The following C17orf99 variants were observed in gnomAD, a reference collection of about 807,000 sequenced individuals.
C17orf99 encodes chromosome 17 open reading frame 99.
In C17orf99, 18 loss-of-function variants were observed where a neutral mutation model predicts 22.6. The ratio of observed to expected loss-of-function variants is 0.80; its 90% confidence interval spans 0.55 to 1.18. C17orf99 has a LOEUF of 1.18. C17orf99 is among the 50% of genes most tolerant of loss of function. The pLI is 0.00. For synonymous variants in C17orf99, 147 were observed against 136.6 expected, an observed-to-expected ratio of 1.08 and a Z score of -0.53; for missense variants, 328 against 342.7, an observed-to-expected ratio of 0.96 and a Z score of 0.34.
intron 2 of C17orf99, among the ~76,000 whole-genome samples, chr17:78,150,693 G>A (rs572942853): frequency 4.9e-4 from 75 of 152,250 alleles, no homozygotes; most frequent in Non-Finnish European, 9.3e-4. Flanking sequence ...GATCCACATC[G>A]CCTGGGACAC....
intron 2 of C17orf99, among the ~76,000 whole-genome samples, chr17:78,147,839 G>A (rs1352464102): frequency 3.3e-5 from 5 of 152,184 alleles, no homozygotes; most frequent in African/African-American, 9.7e-5. Flanking sequence ...GGCAGCTGGG[G>A]CTCCGGGAAG....
chr17:78,146,030 C>T (rs575691989), upstream of C17orf99, among the ~76,000 whole-genome samples: 12 of 152,188 alleles, frequency 7.9e-5, no homozygotes, highest in East Asian at 5.8e-4. The surrounding 1 kb of genome is among the most constrained non-coding windows in gnomAD (Gnocchi z 5.2). Context: ...TCAGGTGATC[C>T]GCCCATCCAG....
chr17:78,157,797 G>GA, intron 2 of C17orf99: 1 of 580,914 alleles, frequency 1.7e-6, no homozygotes, highest in Non-Finnish European at 2.7e-6. Flanking sequence ...ACTCTGTCTC[G>GA]GAAAAAAAAA....
chr17:78,164,550 C>T, intron 4 of C17orf99, 186 bp downstream of exon 4: 2 of 1,533,924 alleles, frequency 1.3e-6, no homozygotes, highest in Non-Finnish European at 1.7e-6. Flanking sequence ...ACCCAGCTGC[C>T]TCCGCCCCCT....
intron 2 of C17orf99, among the ~76,000 whole-genome samples, chr17:78,152,335 ATTT>A (rs370243424): frequency 5.9e-5 from 7 of 118,296 alleles, no homozygotes; most frequent in Non-Finnish European, 5.3e-5. Flanking sequence ...TGCCTGCTTA[ATTT>A]TTTTTTTTTT....
upstream of C17orf99, among the ~76,000 whole-genome samples, chr17:78,145,685 G>T (rs948161207): frequency 6.6e-6 from 1 of 152,170 alleles, no homozygotes; most frequent in Non-Finnish European, 1.5e-5. Flanking sequence ...GGTCACCTGG[G>T]TCATGTAGGA....
upstream of C17orf99, among the ~76,000 whole-genome samples, chr17:78,145,921 G>A (rs892287093): frequency 4.6e-5 from 7 of 150,846 alleles, no homozygotes; most frequent in African/African-American, 1.5e-4. Flanking sequence ...TCAGTCTCCC[G>A]AGTAGCTGGG....
chr17:78,160,709 G>A lies in C17orf99; in HGVS notation c.71-246G>A, dbSNP rs1045661091. 6.5e-5 allele frequency: 33 copies of A among 511,120 alleles called. 1 individual carries two copies. The highest frequency in any genetic ancestry group is 4.1e-4 in the South Asian group (18 of 44,072). 31.7% of individuals were successfully genotyped at this position (511,120 alleles called of 1,614,324 possible). A position where few individuals can be genotyped will look rare whatever the true frequency, so the allele number is the denominator to read the frequency against. ...AGAGATTCTCCTGCCTTAGCTTCCC[G>A]AGTAGCAGGGATTACAGGTGGGCAC... On this transcript the variant is annotated intron_variant, in intron 2 of 4. Transcript: ENST00000340363.
chr17:78,146,358 G>T, upstream of C17orf99: 1 of 1,536,514 alleles, frequency 6.5e-7, no homozygotes, highest in South Asian at 1.2e-5. The surrounding 1 kb of genome is among the most constrained non-coding windows in gnomAD (Gnocchi z 5.2). Context: ...GGGAGGCCAG[G>T]AACTAGGAGG....
intron 2 of C17orf99, among the ~76,000 whole-genome samples, chr17:78,160,545 A>AG (rs1465816738): frequency 7.1e-6 from 1 of 140,280 alleles, no homozygotes; most frequent in East Asian, 2.7e-4. Context: ...AAAAAAAAAA[A>AG]AAAGAGAGAG....
At chr17:78,162,016 C>A (rs938896882) in intron 3 of C17orf99, among the ~76,000 whole-genome samples, 2 of 152,084 alleles carry the variant, frequency 1.3e-5, no homozygotes, top group Non-Finnish European at 2.9e-5. Flanking sequence ...TGGCTCACGC[C>A]TATAAGCCCA....
At chr17:78,158,860 T>A (rs1352499801) in intron 2 of C17orf99, 1 of 162,416 alleles carries the variant, frequency 6.2e-6, no homozygotes, top group Non-Finnish European at 1.5e-5. Context: ...TGGCAAATGG[T>A]CCTTGTGCCC....
At position 78,156,194 on chromosome 17, in the gene C17orf99, G is replaced by T. The variant is rs571064916; in HGVS notation, c.71-4761G>T. On this transcript the variant is annotated intron_variant, in intron 2 of 4. Transcript: ENST00000340363. Reference sequence around the variant, plus strand: ...AAAATACAAAAATTAGCTGGGTGTGGTTGTGGGCACCTGTAGTCCCAGCTA... The same window carrying T: ...AAAATACAAAAATTAGCTGGGTGTGTTTGTGGGCACCTGTAGTCCCAGCTA... Among the ~76,000 whole-genome samples the T allele has an allele frequency of 1.0e-3, 155 of 151,680 alleles. 1 individual carries two copies. Among genetic ancestry groups the T allele is most frequent in the African/African-American group, 3.5e-3 (145 of 41,400 alleles).
rs370001743 is a variant in C17orf99, at chr17:78,146,957, C to G, written c.70+46C>G. 6.5e-7 allele frequency: 1 copy of G among 1,531,136 alleles called. No individual in the cohort carries two copies. Among genetic ancestry groups the G allele is most frequent in the Non-Finnish European group, 8.9e-7 (1 of 1,128,466 alleles). The allele number at this position is 1,531,136 out of a possible 1,614,324, so 94.8% of individuals were successfully genotyped here. On this transcript the variant is annotated intron_variant, in intron 2 of 4. Transcript: ENST00000340363. This position sits in a 1 kb window ranked among gnomAD's most constrained non-coding sequence, Gnocchi z 5.2. ...CAGGGAGAAGTCCCCCAGCTGGGAC[C>G]CTGGTGTCAGAACCCCCATGGTGGA... is the stretch of plus-strand genomic sequence containing the variant.
chr17:78,159,656 C>T (rs1354645354), intron 2 of C17orf99, among the ~76,000 whole-genome samples: 1 of 151,866 alleles, frequency 6.6e-6, no homozygotes. Flanking sequence ...CAACCACCAC[C>T]GCTATCTAGT....
At chr17:78,160,825 C>T (rs1201696989) in intron 2 of C17orf99, 130 bp from the exon 3 acceptor site, 6 of 691,110 alleles carry the variant, frequency 8.7e-6, no homozygotes, top group Non-Finnish European at 1.5e-5. Flanking sequence ...TCAAGTGATC[C>T]GTCCACCTGG....
In C17orf99 at chr17:78,146,901, A is replaced by G. The variant is rs1287739461; in HGVS notation, c.60A>G (p.Ala20=). Residue 20 remains alanine (A), a synonymous_variant, in exon 2 of 5, where the codon GCA becomes GCG. Coordinates refer to ENST00000340363, the MANE Select transcript of C17orf99 (RefSeq NM_001163075.2). The surrounding 1 kb of genome is among the most constrained non-coding windows in gnomAD (Gnocchi z 5.2). ...AVLAASSFSK[A]REEEITPVVS... is the part of the protein sequence containing the mutation. ...CAGCTGCCAGCAGCTTCTCCAAGGC[A>G]CGGGAGGAAGGTAAGTGGCATAGCC... 2 of 1,551,318 alleles carry G rather than the reference A, an allele frequency of 1.3e-6. No homozygotes were observed. The highest frequency in any genetic ancestry group is 2.7e-5 in the African/African-American group (2 of 73,020).
chr17:78,151,423 CAAAAAAA>C (rs35828431), intron 2 of C17orf99, among the ~76,000 whole-genome samples: 6 of 56,180 alleles, frequency 1.1e-4, no homozygotes, highest in Admixed American at 2.0e-4. Flanking sequence ...GACTCTGTCT[CAAAAAAA>C]AAAAAAAAAA....
intron 2 of C17orf99, chr17:78,157,259 T>C (rs1389085400): frequency 4.2e-6 from 1 of 238,322 alleles, no homozygotes; most frequent in Non-Finnish European, 8.1e-6. Context: ...AGGTCTGGAG[T>C]TCAAGAGCAG....
Sources: allele counts gnomAD v4.1 joint callset (sites outside exome capture counted in the v4.1 genomes callset), GRCh38; gene constraint gnomAD v4.1.1; non-coding constraint Gnocchi (gnomAD v3.1); transcripts MANE v1.5; gene names NCBI Gene and HGNC (gene_info 2026-07-23, HGNC 2026-07-21).